The following SYNE2 variants were observed in gnomAD, a reference collection of about 807,000 sequenced individuals.
The protein encoded by SYNE2 is spectrin repeat containing nuclear envelope protein 2.
In SYNE2, 431 loss-of-function variants were observed where a neutral mutation model predicts 856.3. The observed-to-expected ratio is 0.50, with a 90% CI of 0.47 to 0.55. The LOEUF (loss-of-function observed/expected upper bound fraction) is 0.55, where lower values mean the gene tolerates loss of function less well. Ranked by LOEUF, SYNE2 falls within the 20% of genes least tolerant of loss-of-function variation. The probability of loss-of-function intolerance (pLI) is 0.00; values close to 1 mark genes in which losing one functional copy is unlikely to be tolerated. For synonymous variants in SYNE2, 2,923 were observed against 2,872.3 expected (o/e 1.02, Z -0.56); for missense variants, 8,129 against 8,023.2 (o/e 1.01, Z -0.50).
intron 6 of SYNE2, among the ~76,000 whole-genome samples, chr14:63,944,278 T>TTATATA (rs71123818): frequency 2.8e-5 from 4 of 144,054 alleles, no homozygotes; most frequent in African/African-American, 7.7e-5. Context: ...TTCTGAATTT[T>TTATATA]TATATATATA....
At chr14:64,157,078 A>G (rs559026194) in intron 85 of SYNE2, among the ~76,000 whole-genome samples, 1 of 152,278 alleles carries the variant, frequency 6.6e-6, no homozygotes, top group South Asian at 2.1e-4. Flanking sequence ...TTCAACCCAG[A>G]TCCTTTTTAA....
chr14:63,777,933 G>C (rs1454289062), intron 1 of SYNE2, among the ~76,000 whole-genome samples: 1 of 152,166 alleles, frequency 6.6e-6, no homozygotes, highest in Non-Finnish European at 1.5e-5. Flanking sequence ...CCTCCCAAAT[G>C]CTGGGATTAC....
intron 85 of SYNE2, among the ~76,000 whole-genome samples, chr14:64,153,578 A>C (rs1003165284): frequency 3.9e-5 from 6 of 152,206 alleles, no homozygotes; most frequent in Non-Finnish European, 7.3e-5. Context: ...TCATTCCCCC[A>C]GGAATGTAGC....
At chr14:63,888,599 T>C (rs1221031305) in intron 1 of SYNE2, among the ~76,000 whole-genome samples, 1 of 152,234 alleles carries the variant, frequency 6.6e-6, no homozygotes, top group East Asian at 1.9e-4. Flanking sequence ...AGGTACCCTA[T>C]ATCCCATCTT....
chr14:64,104,218 A>G (rs1343745227), intron 64 of SYNE2, among the ~76,000 whole-genome samples: 3 of 152,142 alleles, frequency 2.0e-5, no homozygotes, highest in Admixed American at 2.0e-4. Flanking sequence ...CTTCTGGAGT[A>G]CAAATTCAAT....
intron 1 of SYNE2, among the ~76,000 whole-genome samples, chr14:63,786,804 C>G (rs764672521): frequency 6.6e-6 from 1 of 152,108 alleles, no homozygotes; most frequent in African/African-American, 2.4e-5. Flanking sequence ...CGCTCTGTTA[C>G]CCAGGCTGGA....
intron 1 of SYNE2, among the ~76,000 whole-genome samples, chr14:63,778,302 C>G (rs1339453093): frequency 1.3e-5 from 2 of 152,066 alleles, no homozygotes; most frequent in East Asian, 3.9e-4. Flanking sequence ...CTGAGGCCTC[C>G]CCAGCCATGC....
In SYNE2 at chr14:63,939,757, G is replaced by A. The variant is rs866464479; in HGVS notation, c.80-857G>A. Among the ~76,000 whole-genome samples, 28 of 152,248 alleles carry A rather than the reference G, an allele frequency of 1.8e-4. No homozygotes were observed. The South Asian group carries it at 3.5e-3, about 19-fold the overall frequency. On this transcript the variant is annotated intron_variant, in intron 2 of 115. Coordinates refer to ENST00000555002, the MANE Select transcript of SYNE2 (RefSeq NM_182914.3). ...TATAATAATCTCTAGAGACAAATGC[G>A]TATTACTTTTTTATTAAACAAGGAC... is the stretch of plus-strand genomic sequence containing the variant.
At chr14:63,868,771 A>G (rs374699107) in intron 1 of SYNE2, among the ~76,000 whole-genome samples, 7 of 152,274 alleles carry the variant, frequency 4.6e-5, no homozygotes, top group Admixed American at 1.3e-4. Flanking sequence ...TGTAATAACA[A>G]AAATTCCTTA....
In SYNE2 at chr14:64,075,929, C is replaced by G; in HGVS notation, c.10867-16C>G. ...CCCCAGTCTCGTGAGTATTGCAACT[C>G]TCTTAATGCTTTTAGGAGCTTCAAA... On this transcript the variant is annotated splice_polypyrimidine_tract_variant and intron_variant, in intron 53 of 115. Coordinates refer to ENST00000555002, the MANE Select transcript of SYNE2 (RefSeq NM_182914.3). The G allele has an allele frequency of 1.9e-6, 3 of 1,613,290 alleles. No homozygotes were observed. The highest frequency in any genetic ancestry group is 2.5e-6 in the Non-Finnish European group (3 of 1,179,558).
chr14:64,125,982 T>C (rs914043842), intron 71 of SYNE2, among the ~76,000 whole-genome samples: 1 of 152,200 alleles, frequency 6.6e-6, no homozygotes, highest in Non-Finnish European at 1.5e-5. Flanking sequence ...CATTAGAATG[T>C]GGAGGGTGGG....
At chr14:64,192,648 T>C (rs1045716690) in intron 99 of SYNE2, among the ~76,000 whole-genome samples, 5 of 152,246 alleles carry the variant, frequency 3.3e-5, no homozygotes, top group Non-Finnish European at 7.3e-5. Context: ...TAAACTTCAC[T>C]GTGATTCTGT....
chr14:63,801,855 AC>A (rs1566574900), intron 1 of SYNE2, among the ~76,000 whole-genome samples: 1 of 151,842 alleles, frequency 6.6e-6, no homozygotes, highest in African/African-American at 2.4e-5. Flanking sequence ...AAACTTAAAA[AC>A]ATTTAAGTTT....
intron 1 of SYNE2, among the ~76,000 whole-genome samples, chr14:63,835,141 A>G (rs2139908156): frequency 6.6e-6 from 1 of 152,336 alleles, no homozygotes; most frequent in Non-Finnish European, 1.5e-5. Flanking sequence ...AGAGTTTTTT[A>G]AAGTAGATAA....
Position 64,087,812 on chromosome 14 carries a change from C to G in SYNE2, c.11626C>G (p.Gln3876Glu). 6.2e-7 allele frequency: 1 copy of G among 1,614,014 alleles called. No homozygotes were observed. The highest frequency in any genetic ancestry group is 2.2e-5 in the East Asian group (1 of 44,866). Residue 3876 changes from glutamine to glutamate, a missense_variant, in exon 58 of 116, where the codon CAA (glutamine) becomes GAA (glutamate). Gln to Glu is a conservative substitution (Grantham distance 29). Coordinates refer to ENST00000555002, the MANE Select transcript of SYNE2 (RefSeq NM_182914.3). ...AAGTAATCAAGTAACAGCTTTACAA[C>G]AAAAAATAATGGAAAGCCTTCCACA... is the stretch of plus-strand genomic sequence containing the variant. ...ELSNQVTALQQKIMESLPQIQ... is the reference protein window; with the variant it reads ...ELSNQVTALQEKIMESLPQIQ...
intron 85 of SYNE2, among the ~76,000 whole-genome samples, chr14:64,155,988 T>G (rs1258581063): frequency 6.6e-6 from 1 of 152,202 alleles, no homozygotes; most frequent in Non-Finnish European, 1.5e-5. Context: ...AAGCCTCGAT[T>G]TTCTGGTCTA....
At chr14:63,987,611 A>G (rs879697048) in intron 19 of SYNE2, among the ~76,000 whole-genome samples, 7 of 152,146 alleles carry the variant, frequency 4.6e-5, no homozygotes, top group Non-Finnish European at 8.8e-5. Context: ...TTGTGTTTTC[A>G]TTGTGTGATA....
intron 83 of SYNE2, 148 bp from the exon 84 acceptor site, chr14:64,145,920 C>A: frequency 1.9e-6 from 1 of 514,308 alleles, no homozygotes; most frequent in East Asian, 3.8e-5. Flanking sequence ...ATTTTTGAAT[C>A]TTTATTCAAA....
At chr14:63,879,981 T>G (rs923264901) in intron 1 of SYNE2, among the ~76,000 whole-genome samples, 1 of 152,244 alleles carries the variant, frequency 6.6e-6, no homozygotes, top group Non-Finnish European at 1.5e-5. Flanking sequence ...TCTTCTCTGG[T>G]TATGTTTTAT....
Sources: allele counts gnomAD v4.1 joint callset (sites outside exome capture counted in the v4.1 genomes callset), GRCh38; gene constraint gnomAD v4.1.1; transcripts MANE v1.5; gene names NCBI Gene and HGNC (gene_info 2026-07-23, HGNC 2026-07-21).